The following ARHGAP31 variants were observed in gnomAD, a reference collection of about 807,000 sequenced individuals.
ARHGAP31 encodes the protein Rho GTPase activating protein 31, also known as rho GTPase-activating protein 31.
Under a neutral mutation model 113.9 loss-of-function variants are expected in ARHGAP31, and 34 were observed. That is an observed-to-expected ratio of 0.30 (90% CI 0.23 to 0.40). ARHGAP31 has a LOEUF of 0.40. Ranked by LOEUF, ARHGAP31 falls within the 10% of genes least tolerant of loss-of-function variation. The probability of loss-of-function intolerance (pLI) is 1.00; values close to 1 mark genes in which losing one functional copy is unlikely to be tolerated. For synonymous variants in ARHGAP31, 650 were observed against 684.8 expected, an observed-to-expected ratio of 0.95 and a Z score of 0.79; for missense variants, 1,548 against 1,767.1, an observed-to-expected ratio of 0.88 and a Z score of 2.22.
chr3:119,344,708 CAG>C (rs1025618463), intron 1 of ARHGAP31, among the ~76,000 whole-genome samples: 48 of 152,040 alleles, frequency 3.2e-4, no homozygotes, highest in African/African-American at 1.0e-3. Context: ...TGGCTCACGG[CAG>C]CCTCAACCTC....
At chr3:119,391,598 TCC>T (rs1422804516) in intron 7 of ARHGAP31, among the ~76,000 whole-genome samples, 4 of 87,094 alleles carry the variant, frequency 4.6e-5, no homozygotes, top group South Asian at 1.0e-3. Flanking sequence ...TACCCCCCCC[TCC>T]CCCCCGCCGT....
At chr3:119,381,740 C>A (rs1577021014) in intron 4 of ARHGAP31, among the ~76,000 whole-genome samples, 1 of 152,326 alleles carries the variant, frequency 6.6e-6, no homozygotes, top group South Asian at 2.1e-4. Context: ...GTAATCCCAG[C>A]ACTTTGGGAG....
At chr3:119,304,003 C>G (rs2079608932) in intron 1 of ARHGAP31, among the ~76,000 whole-genome samples, 1 of 152,020 alleles carries the variant, frequency 6.6e-6, no homozygotes, top group Non-Finnish European at 1.5e-5. Flanking sequence ...ACTATGTTAG[C>G]CAGGCTGGTC....
chr3:119,315,175 C>T (rs748180149), intron 1 of ARHGAP31, among the ~76,000 whole-genome samples: 5 of 152,138 alleles, frequency 3.3e-5, no homozygotes, highest in Non-Finnish European at 7.3e-5. Flanking sequence ...CTGCTGTTAC[C>T]GTGTTGTCTG....
intron 2 of ARHGAP31, among the ~76,000 whole-genome samples, chr3:119,366,698 C>G (rs1478299008): frequency 6.6e-6 from 1 of 151,872 alleles, no homozygotes; most frequent in Non-Finnish European, 1.5e-5. Flanking sequence ...AAATCTTTGG[C>G]TAAATAAATG....
intron 1 of ARHGAP31, among the ~76,000 whole-genome samples, chr3:119,310,690 G>T (rs2079672260): frequency 6.6e-6 from 1 of 152,208 alleles, no homozygotes; most frequent in Non-Finnish European, 1.5e-5. Context: ...CCATGGAAAA[G>T]TTGTCTTCCA....
Position 119,414,830 on chromosome 3 carries a change from C to G in ARHGAP31, c.2901C>G (p.Leu967=). The change falls in exon 12 of 12, where the codon CTC becomes CTG. Residue 967 remains leucine (L), a synonymous_variant. Coordinates refer to ENST00000264245, the MANE Select transcript of ARHGAP31 (RefSeq NM_020754.4). ...SKPTVKSQWT[L]EVPSSSSCAN... ...CCACGGTTAAAAGCCAGTGGACTCT[C>G]GAGGTTCCCTCCTCCAGCAGCTGTG... The G allele has an allele frequency of 1.9e-6, 3 of 1,614,224 alleles. No homozygotes were observed. Among genetic ancestry groups the G allele is most frequent in the African/African-American group, 2.7e-5 (2 of 75,060 alleles).
intron 1 of ARHGAP31, among the ~76,000 whole-genome samples, chr3:119,348,478 T>C (rs2080082117): frequency 6.6e-6 from 1 of 152,160 alleles, no homozygotes; most frequent in Non-Finnish European, 1.5e-5. Context: ...CTTCGTATCA[T>C]CTTCACATTG....
intron 2 of ARHGAP31, among the ~76,000 whole-genome samples, chr3:119,366,319 A>G (rs952919580): frequency 1.3e-5 from 2 of 152,170 alleles, no homozygotes; most frequent in African/African-American, 4.8e-5. Context: ...GTAAAATTTA[A>G]TAAGTTGTGC....
Position 119,378,742 on chromosome 3 carries a change from C to T in ARHGAP31, c.349-2162C>T, listed in dbSNP as rs376195024. Among the ~76,000 whole-genome samples, 237 of 152,260 alleles carry T rather than the reference C, an allele frequency of 1.6e-3. 10 individuals carry two copies. In the South Asian group the frequency reaches 0.04, roughly 26 times the overall value. ...CAGCTCCCCATTGTGAGGTTCTCAC[C>T]GCCTTGCAGAGCCAGGGTCCTCTCC... On this transcript the variant is annotated intron_variant, in intron 3 of 11. Transcript: ENST00000264245.
chr3:119,387,408 A>G (rs2080462916), intron 6 of ARHGAP31, among the ~76,000 whole-genome samples: 1 of 152,228 alleles, frequency 6.6e-6, no homozygotes, highest in Non-Finnish European at 1.5e-5. Flanking sequence ...CTACAAACTA[A>G]TGATTAATGA....
chr3:119,401,102 TGG>T (rs1175792681), intron 9 of ARHGAP31, among the ~76,000 whole-genome samples: 2 of 146,732 alleles, frequency 1.4e-5, no homozygotes, highest in Non-Finnish European at 3.0e-5. Flanking sequence ...ACCCGGGAGG[TGG>T]AGGTTGCAGT....
chr3:119,393,463 T>C lies in ARHGAP31; in HGVS notation c.882-4T>C. ...ACTAACCCCTTATGCCTTGGTTCTT[T>C]TAGGCGAAAGCTCTCCAGTAAATCA... is the stretch of plus-strand genomic sequence containing the variant. On this transcript the variant is annotated splice_region_variant and splice_polypyrimidine_tract_variant and intron_variant, in intron 7 of 11. Coordinates refer to ENST00000264245, the MANE Select transcript of ARHGAP31 (RefSeq NM_020754.4). The C allele has an allele frequency of 1.9e-6, 3 of 1,614,150 alleles. No individual in the cohort carries two copies. In the East Asian group the frequency reaches 6.7e-5, roughly 36 times the overall value.
Position 119,419,224 on chromosome 3 carries a change from T to G in ARHGAP31, c.*2960T>G, listed in dbSNP as rs777152116. Reference sequence around the variant, plus strand: ...CTCAAGGGCTCCTTCAAATCAGCTATCAGTCCTCAAAATGGGGGTTGCTGA... The same window carrying G: ...CTCAAGGGCTCCTTCAAATCAGCTAGCAGTCCTCAAAATGGGGGTTGCTGA... On this transcript the variant is annotated 3_prime_UTR_variant, in exon 12 of 12. Transcript: ENST00000264245. 2 of 152,184 alleles carry G rather than the reference T, an allele frequency of 1.3e-5. No individual in the cohort carries two copies. Among genetic ancestry groups the G allele is most frequent in the African/African-American group, 2.4e-5 (1 of 41,442 alleles). The allele number at this position is 152,184 out of a possible 1,614,324, so 9.4% of individuals were successfully genotyped here.
At chr3:119,364,905 C>T (rs116404070) in intron 1 of ARHGAP31, among the ~76,000 whole-genome samples, 7,454 of 152,182 alleles carry the variant, frequency 0.049, 501 homozygotes, top group African/African-American at 0.15. Context: ...CCAGCCTGGT[C>T]AACATGGCGA....
At chr3:119,389,260 C>A (rs912546322) in intron 6 of ARHGAP31, among the ~76,000 whole-genome samples, 18 of 152,320 alleles carry the variant, frequency 1.2e-4, no homozygotes, top group Non-Finnish European at 2.4e-4. Flanking sequence ...GAGCCTGGAG[C>A]TGACAGGAGA....
chr3:119,418,918 A>G lies in ARHGAP31; in HGVS notation c.*2654A>G, dbSNP rs2080801064. ...TCTCACCCAGCCTGCCAGCCATCAC[A>G]AAGGCTTTCATAAACTTCCTGTGGT... On this transcript the variant is annotated 3_prime_UTR_variant, in exon 12 of 12. Transcript: ENST00000264245. 6.6e-6 allele frequency: 1 copy of G among 152,218 alleles called. No homozygotes were observed. Among genetic ancestry groups the G allele is most frequent in the Non-Finnish European group, 1.5e-5 (1 of 68,068 alleles). The allele number at this position is 152,218 out of a possible 1,614,324, so 9.4% of individuals were successfully genotyped here. A position where few individuals can be genotyped will look rare whatever the true frequency, so the allele number is the denominator to read the frequency against.
chr3:119,385,287 A>G (rs2080439611), intron 6 of ARHGAP31, among the ~76,000 whole-genome samples: 1 of 151,980 alleles, frequency 6.6e-6, no homozygotes, highest in African/African-American at 2.4e-5. Flanking sequence ...TGTATATATC[A>G]GTACTTCATT....
chr3:119,298,849 A>G lies in ARHGAP31; in HGVS notation c.100+3845A>G, dbSNP rs193036310. The G allele has an allele frequency of 1.5e-3, 328 of 217,572 alleles. 1 individual carries two copies. Among genetic ancestry groups the G allele is most frequent in the African/African-American group, 7.0e-3 (303 of 43,458 alleles). 13.5% of individuals were successfully genotyped at this position (217,572 alleles called of 1,614,324 possible). A position where few individuals can be genotyped will look rare whatever the true frequency, so the allele number is the denominator to read the frequency against. On this transcript the variant is annotated intron_variant, in intron 1 of 11. Transcript: ENST00000264245. ...TCTGAAGCAAGCGTCTTCACCGCCTATATACTTCCGAAGTTGTATGTAAAG... is the reference window on the plus strand; with the variant it reads ...TCTGAAGCAAGCGTCTTCACCGCCTGTATACTTCCGAAGTTGTATGTAAAG...
Sources: allele counts gnomAD v4.1 joint callset (sites outside exome capture counted in the v4.1 genomes callset), GRCh38; gene constraint gnomAD v4.1.1; transcripts MANE v1.5; gene names NCBI Gene and HGNC (gene_info 2026-07-23, HGNC 2026-07-21).